EXOC6B: variants seen among roughly 807,000 people sequenced by gnomAD.
EXOC6B encodes the protein exocyst complex component 6B, also known as SEC15 homolog B.
In EXOC6B, 54 loss-of-function variants were observed where a neutral mutation model predicts 113.5. The ratio of observed to expected loss-of-function variants is 0.48; its 90% confidence interval spans 0.38 to 0.60. The LOEUF is 0.60. Among genes scored for constraint, EXOC6B ranks in the 20% least tolerant of loss-of-function variants. The pLI is 0.00. For synonymous variants in EXOC6B, 357 were observed against 339.0 expected (o/e 1.05, Z -0.58); for missense variants, 797 against 977.5 (o/e 0.82, Z 2.46).
intron 19 of EXOC6B, among the ~76,000 whole-genome samples, chr2:72,373,364 A>G (rs1558603383): frequency 2.0e-5 from 3 of 152,242 alleles, no homozygotes; most frequent in East Asian, 3.9e-4. Flanking sequence ...CTGGGCAGAC[A>G]TTTCTTAATT....
intron 6 of EXOC6B, among the ~76,000 whole-genome samples, chr2:72,659,751 C>A (rs1674869412): frequency 6.6e-6 from 1 of 152,090 alleles, no homozygotes; most frequent in East Asian, 1.9e-4. Flanking sequence ...ATTCAGGAAC[C>A]ACAAACTGTC....
chr2:72,439,248 TC>T (rs1183007734), intron 18 of EXOC6B, among the ~76,000 whole-genome samples: 1 of 152,194 alleles, frequency 6.6e-6, no homozygotes, highest in African/African-American at 2.4e-5. Flanking sequence ...TAACTAGGGT[TC>T]TCTGAATTTA....
intron 6 of EXOC6B, among the ~76,000 whole-genome samples, chr2:72,581,991 T>C (rs537932743): frequency 6.1e-4 from 93 of 152,234 alleles, no homozygotes; most frequent in Non-Finnish European, 1.0e-3. Flanking sequence ...CCCAACCACA[T>C]TGGGCACAAT....
chr2:72,312,758 A>AC (rs1687272588), intron 20 of EXOC6B, among the ~76,000 whole-genome samples: 1 of 151,094 alleles, frequency 6.6e-6, no homozygotes, highest in African/African-American at 2.5e-5. Flanking sequence ...TTTGTCTCAA[A>AC]AAACAACAAC....
At chr2:72,213,513 C>T (rs1680324625) in intron 20 of EXOC6B, among the ~76,000 whole-genome samples, 1 of 151,826 alleles carries the variant, frequency 6.6e-6, no homozygotes, top group Non-Finnish European at 1.5e-5. Flanking sequence ...TTTAACAATC[C>T]ACTGGACATG....
intron 1 of EXOC6B, among the ~76,000 whole-genome samples, chr2:72,824,024 G>A (rs565059738): frequency 6.6e-6 from 1 of 152,224 alleles, no homozygotes; most frequent in Non-Finnish European, 1.5e-5. Flanking sequence ...TAAGGCAATG[G>A]GGGTTGGTGG....
At chr2:72,683,850 T>C (rs894870905) in intron 6 of EXOC6B, among the ~76,000 whole-genome samples, 18 of 152,188 alleles carry the variant, frequency 1.2e-4, no homozygotes, top group Non-Finnish European at 2.6e-4. Flanking sequence ...CACCTTTTTT[T>C]CTTTGTGCTT....
intron 20 of EXOC6B, among the ~76,000 whole-genome samples, chr2:72,221,573 A>T (rs1221899741): frequency 1.3e-5 from 2 of 152,114 alleles, no homozygotes; most frequent in Non-Finnish European, 2.9e-5. Context: ...AGAATCTATT[A>T]TTTATGCTTA....
Position 72,496,559 on chromosome 2 carries a change from T to A in EXOC6B, c.1338A>T (p.Arg446Ser), listed in dbSNP as rs1377787854. Residue 446 changes from arginine (R) to serine (S), a missense_variant and splice_region_variant, in exon 14 of 22, where the codon AGA becomes AGT. By Grantham distance (110) the Arg-to-Ser change is moderately radical. Coordinates refer to ENST00000272427, the MANE Select transcript of EXOC6B (RefSeq NM_015189.3). ...TGTAGTTGTCAGAATCAAGTATGTTTCTATAAATGGAAGGATAGACAAAGG... is the reference window on the plus strand; with the variant it reads ...TGTAGTTGTCAGAATCAAGTATGTTACTATAAATGGAAGGATAGACAAAGG... ...TLLKKWAGIF[R>S]NILDSDNYSP... 3 of 1,564,474 alleles carry A rather than the reference T, an allele frequency of 1.9e-6. No homozygotes were observed. Among genetic ancestry groups the A allele is most frequent in the Non-Finnish European group, 2.6e-6 (3 of 1,145,528 alleles).
At chr2:72,499,533 A>ATTT (rs34288011) in intron 12 of EXOC6B, among the ~76,000 whole-genome samples, 2 of 138,356 alleles carry the variant, frequency 1.4e-5, no homozygotes, top group Non-Finnish European at 1.6e-5. Context: ...ACCCAGTCAG[A>ATTT]TTTTTTTTTT....
In EXOC6B at chr2:72,401,539, ATATATG is replaced by A. The variant is rs1232653834; in HGVS notation, c.1981-21675_1981-21670del. ...TACATATATACATATATATATATAT[ATATATG>A]TGTATATATATATATATATACATAT... is the stretch of plus-strand genomic sequence containing the variant. On this transcript the variant is annotated intron_variant, in intron 18 of 21. Coordinates refer to ENST00000272427, the MANE Select transcript of EXOC6B (RefSeq NM_015189.3). 9.1e-3 allele frequency among the ~76,000 whole-genome samples: 241 copies of A among 26,434 alleles called. 7 individuals are homozygous for A. The highest frequency in any genetic ancestry group is 0.012 in the Non-Finnish European group (215 of 17,884). The allele number at this position is 26,434 out of a possible 152,430, so 17.3% of individuals were successfully genotyped here.
intron 19 of EXOC6B, among the ~76,000 whole-genome samples, chr2:72,344,352 T>C (rs1572943280): frequency 6.6e-6 from 1 of 152,276 alleles, no homozygotes; most frequent in African/African-American, 2.4e-5. Flanking sequence ...TCTTCACATC[T>C]TTCTTTAGTT....
chr2:72,743,643 A>G (rs1364150759), intron 1 of EXOC6B, among the ~76,000 whole-genome samples: 1 of 152,196 alleles, frequency 6.6e-6, no homozygotes, highest in Admixed American at 6.5e-5. Flanking sequence ...TGTCTGTCAT[A>G]CTGTACCTCT....
intron 6 of EXOC6B, among the ~76,000 whole-genome samples, chr2:72,646,961 C>A (rs1673770868): frequency 6.6e-6 from 1 of 152,028 alleles, no homozygotes; most frequent in African/African-American, 2.4e-5. Flanking sequence ...GGCATTCAGG[C>A]AAGAGAAAGA....
intron 20 of EXOC6B, among the ~76,000 whole-genome samples, chr2:72,189,824 C>CTG (rs1268769680): frequency 1.0e-5 from 1 of 95,962 alleles, no homozygotes; most frequent in Admixed American, 1.2e-4. Flanking sequence ...TTCCTTCATT[C>CTG]TCTCTGTCTC....
intron 19 of EXOC6B, among the ~76,000 whole-genome samples, chr2:72,364,144 C>T (rs565348019): frequency 1.1e-4 from 17 of 152,076 alleles, no homozygotes; most frequent in South Asian, 4.1e-4. Context: ...TGCTTTTATA[C>T]GCCTCTGTAT....
rs1385402421 is a variant in EXOC6B at position 72,335,264 on chromosome 2, G to A, written c.2123-244C>T. ...AATTCGACCTGAAATTTATTCCCAT[G>A]AGCTGCGCTGGGCTTCAGAGTATTT... On this transcript the variant is annotated intron_variant, in intron 19 of 21. Coordinates refer to ENST00000272427, the MANE Select transcript of EXOC6B (RefSeq NM_015189.3). The A allele has an allele frequency of 2.4e-5, 11 of 467,046 alleles. No homozygotes were observed. In the East Asian group the frequency reaches 4.1e-4, roughly 18 times the overall value. 28.9% of individuals were successfully genotyped at this position (467,046 alleles called of 1,614,324 possible). A position where few individuals can be genotyped will look rare whatever the true frequency, so the allele number is the denominator to read the frequency against.
At chr2:72,280,745 A>C (rs1257279769) in intron 20 of EXOC6B, among the ~76,000 whole-genome samples, 2 of 152,128 alleles carry the variant, frequency 1.3e-5, no homozygotes, top group African/African-American at 2.4e-5. Context: ...CAAGATCTGG[A>C]AGAGAAAGGG....
chr2:72,605,560 A>AT (rs1205138671), intron 6 of EXOC6B, among the ~76,000 whole-genome samples: 1 of 152,210 alleles, frequency 6.6e-6, no homozygotes, highest in Non-Finnish European at 1.5e-5. Flanking sequence ...TTATCTTTGC[A>AT]TTTTAAGTTC....
Sources: allele counts gnomAD v4.1 joint callset (sites outside exome capture counted in the v4.1 genomes callset), GRCh38; gene constraint gnomAD v4.1.1; transcripts MANE v1.5; gene names NCBI Gene and HGNC (gene_info 2026-07-23, HGNC 2026-07-21).